Variants in CCDC150 observed in about 807,000 individuals in gnomAD.
The protein encoded by CCDC150 is coiled-coil domain containing 150, also known as coiled-coil domain-containing protein 150.
In CCDC150, 151 loss-of-function variants were observed where a neutral mutation model predicts 156.5. The observed-to-expected ratio is 0.97, with a 90% CI of 0.85 to 1.10. The LOEUF is 1.10. Among genes scored for constraint, CCDC150 ranks in the 50% least tolerant of loss-of-function variants. CCDC150 has a pLI of 0.00. For synonymous variants in CCDC150, 452 were observed against 429.4 expected (o/e 1.05, Z -0.65); for missense variants, 1,312 against 1,268.1 (o/e 1.03, Z -0.53).
intron 21 of CCDC150, among the ~76,000 whole-genome samples, chr2:196,723,917 A>G (rs1167793496): frequency 1.3e-5 from 2 of 152,234 alleles, no homozygotes; most frequent in African/African-American, 4.8e-5. Context: ...ACATGAAGAA[A>G]AGTTATTCTG....
intron 4 of CCDC150, chr2:196,657,450 A>C: frequency 4.3e-6 from 1 of 234,290 alleles, no homozygotes; most frequent in Non-Finnish European, 8.4e-6. Context: ...AAGCTACAGC[A>C]TGAGAAATTA....
intron 13 of CCDC150, among the ~76,000 whole-genome samples, chr2:196,691,977 C>G (rs550496184): frequency 1.3e-5 from 2 of 152,232 alleles, no homozygotes; most frequent in Admixed American, 1.3e-4. Context: ...ATTTGTTGAT[C>G]TCTTGAATGG....
intron 13 of CCDC150, among the ~76,000 whole-genome samples, chr2:196,684,306 A>G (rs765783138): frequency 7.9e-5 from 12 of 151,902 alleles, no homozygotes; most frequent in Non-Finnish European, 1.8e-4. Flanking sequence ...TTCTTTTTTG[A>G]CCCATTGGTT....
At chr2:196,669,304 A>G (rs1694055046) in intron 7 of CCDC150, among the ~76,000 whole-genome samples, 1 of 152,140 alleles carries the variant, frequency 6.6e-6, no homozygotes, top group Admixed American at 6.6e-5. Context: ...ATTTAGCTGA[A>G]GAGTCCACTG....
chr2:196,690,112 A>C (rs1302528469), intron 13 of CCDC150, among the ~76,000 whole-genome samples: 1 of 152,006 alleles, frequency 6.6e-6, no homozygotes, highest in Non-Finnish European at 1.5e-5. Context: ...ATTCTCAGTA[A>C]ACTATCGCAA....
chr2:196,710,559 G>A (rs576202371), intron 15 of CCDC150, among the ~76,000 whole-genome samples: 1 of 152,176 alleles, frequency 6.6e-6, no homozygotes, highest in Non-Finnish European at 1.5e-5. Context: ...CTGTGAAAAT[G>A]CAGAAATCAC....
At chr2:196,698,424 A>G (rs1695960093) in intron 14 of CCDC150, among the ~76,000 whole-genome samples, 1 of 152,212 alleles carries the variant, frequency 6.6e-6, no homozygotes. Flanking sequence ...TTTGCCTGAA[A>G]GAGGGAATTG....
intron 19 of CCDC150, 188 bp downstream of exon 19, chr2:196,719,854 C>A (rs1697775088): frequency 2.3e-6 from 1 of 430,260 alleles, no homozygotes; most frequent in Admixed American, 4.0e-5. Context: ...TCCAAAAATT[C>A]AAAATGCCCC....
chr2:196,676,921 G>A (rs79253684), intron 12 of CCDC150, among the ~76,000 whole-genome samples, 190 bp downstream of exon 12: 1,793 of 152,364 alleles, frequency 0.012, 39 homozygotes, highest in African/African-American at 0.041. Flanking sequence ...AAATAGAACA[G>A]TATATACTTA....
intron 14 of CCDC150, among the ~76,000 whole-genome samples, chr2:196,699,326 A>C (rs115102043): frequency 6.6e-6 from 1 of 152,186 alleles, no homozygotes; most frequent in Non-Finnish European, 1.5e-5. Context: ...TGACAGGACA[A>C]ATACTTGGTC....
At chr2:196,656,575 G>T in intron 2 of CCDC150, 58 bp from the exon 3 acceptor site, 1 of 1,185,758 alleles carries the variant, frequency 8.4e-7, no homozygotes, top group Non-Finnish European at 1.2e-6. Context: ...TCAGTTTTTG[G>T]GATTACCATA....
At chr2:196,729,673 T>C (rs1698420334) in intron 23 of CCDC150, 120 bp from the exon 24 acceptor site, 1 of 743,450 alleles carries the variant, frequency 1.3e-6, no homozygotes, top group East Asian at 2.7e-5. Flanking sequence ...GAAAGAAAGC[T>C]CAGCAGGAAC....
chr2:196,702,940 A>G (rs1696340029), intron 15 of CCDC150, among the ~76,000 whole-genome samples: 1 of 152,152 alleles, frequency 6.6e-6, no homozygotes, highest in Admixed American at 6.6e-5. Context: ...GGTGTTTGCA[A>G]AGAGACCAAA....
At chr2:196,695,903 A>G (rs1486773978) in intron 14 of CCDC150, among the ~76,000 whole-genome samples, 1 of 152,174 alleles carries the variant, frequency 6.6e-6, no homozygotes, top group African/African-American at 2.4e-5. Context: ...GTGCTTTCGA[A>G]TACATGAAAA....
chr2:196,639,729 C>T lies in CCDC150; in HGVS notation c.-38C>T. 6.6e-7 allele frequency: 1 copy of T among 1,525,478 alleles called. No homozygotes were observed. The highest frequency in any genetic ancestry group is 8.9e-7 in the Non-Finnish European group (1 of 1,128,308). 94.5% of individuals were successfully genotyped at this position (1,525,478 alleles called of 1,614,324 possible). A position where few individuals can be genotyped will look rare whatever the true frequency, so the allele number is the denominator to read the frequency against. On this transcript the variant is annotated 5_prime_UTR_variant, in exon 1 of 28. Coordinates refer to ENST00000389175, the MANE Select transcript of CCDC150 (RefSeq NM_001080539.2). ...AATGCTGTGTTAGTTCCACGGAAAC[C>T]CGCTCGCCTGCTGCAGTACGGAGCC...
chr2:196,640,178 C>G (rs760922914), intron 1 of CCDC150, among the ~76,000 whole-genome samples: 17 of 152,168 alleles, frequency 1.1e-4, no homozygotes, highest in Non-Finnish European at 1.8e-4. Flanking sequence ...TGCACTTGTT[C>G]TTTACGGTTT....
At chr2:196,719,428 A>G (rs1040055751) in intron 18 of CCDC150, 69 bp from the exon 19 acceptor site, 2 of 1,317,106 alleles carry the variant, frequency 1.5e-6, no homozygotes. Flanking sequence ...CCTGGGAGTA[A>G]TGAGATCCAC....
At chr2:196,694,944 C>T (rs1009389425) in intron 13 of CCDC150, 102 bp from the exon 14 acceptor site, 4 of 623,344 alleles carry the variant, frequency 6.4e-6, no homozygotes, top group African/African-American at 1.9e-5. Context: ...AACATATGGA[C>T]AATACTGTCC....
chr2:196,698,829 A>G (rs1256543707), intron 14 of CCDC150, among the ~76,000 whole-genome samples: 2 of 152,060 alleles, frequency 1.3e-5, no homozygotes, highest in African/African-American at 4.8e-5. Context: ...TCCTAATGCT[A>G]TCCCTCCCCC....
Sources: allele counts gnomAD v4.1 joint callset (sites outside exome capture counted in the v4.1 genomes callset), GRCh38; gene constraint gnomAD v4.1.1; transcripts MANE v1.5; gene names NCBI Gene and HGNC (gene_info 2026-07-23, HGNC 2026-07-21).